NAALADL2: variants seen among roughly 807,000 people sequenced by gnomAD.
The protein encoded by NAALADL2 is inactive N-acetylated-alpha-linked acidic dipeptidase-like protein 2.
A neutral mutation model predicts 87.2 loss-of-function variants in NAALADL2; 76 were observed. The observed-to-expected ratio is 0.87, with a 90% CI of 0.72 to 1.05. NAALADL2 has a LOEUF of 1.05. Among genes scored for constraint, NAALADL2 ranks in the 50% least tolerant of loss-of-function variants. NAALADL2 has a pLI of 0.00. For synonymous variants in NAALADL2, 354 were observed against 331.0 expected (o/e 1.07, Z -0.75); for missense variants, 1,089 against 945.8 (o/e 1.15, Z -1.99).
chr3:174,725,674 A>T (rs1056380311), intron 2 of NAALADL2, among the ~76,000 whole-genome samples: 1 of 152,188 alleles, frequency 6.6e-6, no homozygotes, highest in African/African-American at 2.4e-5. Flanking sequence ...TTTCTAGAGA[A>T]CCGTTTTTTA....
Position 175,159,730 on chromosome 3 carries a change from G to A in NAALADL2, c.545+62439G>A, listed in dbSNP as rs1732841496. Among the ~76,000 whole-genome samples the A allele has an allele frequency of 2.0e-5, 3 of 152,046 alleles. 1 individual carries two copies. In the South Asian group the frequency reaches 6.2e-4, roughly 32 times the overall value. ...ACCTAAGTAGTTTTGTGGCAGTTTTGTTAAGATTATTGAAGTAATAAAAGA... is the reference window on the plus strand; with the variant it reads ...ACCTAAGTAGTTTTGTGGCAGTTTTATTAAGATTATTGAAGTAATAAAAGA... On this transcript the variant is annotated intron_variant, in intron 2 of 13. Transcript: ENST00000454872.
chr3:174,830,539 G>A (rs1306965821), intron 3 of NAALADL2, among the ~76,000 whole-genome samples: 4 of 151,064 alleles, frequency 2.6e-5, no homozygotes, highest in African/African-American at 4.8e-5. Flanking sequence ...TTTGAAGTCA[G>A]GTAGTGTGAT....
At chr3:174,904,563 A>G (rs945959393) in intron 1 of NAALADL2, among the ~76,000 whole-genome samples, 2 of 134,258 alleles carry the variant, frequency 1.5e-5, no homozygotes, top group Admixed American at 7.5e-5. Flanking sequence ...CCAAAACATC[A>G]AGAACATACT....
chr3:175,750,106 T>G (rs1475116540), intron 12 of NAALADL2, among the ~76,000 whole-genome samples: 2 of 152,188 alleles, frequency 1.3e-5, no homozygotes, highest in Non-Finnish European at 2.9e-5. Context: ...ATTAAGACAC[T>G]GAGCCTCAGA....
At chr3:174,489,615 T>C (rs1471867611) in intron 1 of NAALADL2, among the ~76,000 whole-genome samples, 3 of 152,056 alleles carry the variant, frequency 2.0e-5, no homozygotes, top group Non-Finnish European at 4.4e-5. Flanking sequence ...ATCTAAAATA[T>C]ATTAAGGACT....
chr3:174,953,312 TCCCC>T (rs1740666985), intron 1 of NAALADL2, among the ~76,000 whole-genome samples: 1 of 12,176 alleles, frequency 8.2e-5, no homozygotes, highest in Non-Finnish European at 1.4e-4. Flanking sequence ...TCCCCTCCCC[TCCCC>T]TCCCCTCCCC....
At chr3:175,569,123 A>G (rs1219546014) in intron 9 of NAALADL2, among the ~76,000 whole-genome samples, 5 of 152,156 alleles carry the variant, frequency 3.3e-5, no homozygotes, top group Admixed American at 2.0e-4. Context: ...TCTCAGGGTA[A>G]GAACCCTTGG....
At chr3:174,576,618 A>G (rs1197720578) in intron 2 of NAALADL2, among the ~76,000 whole-genome samples, 1 of 152,170 alleles carries the variant, frequency 6.6e-6, no homozygotes, top group African/African-American at 2.4e-5. Flanking sequence ...CGATTACATT[A>G]TATTTCTTTA....
chr3:175,767,678 T>C (rs532715702), intron 13 of NAALADL2: 2 of 152,250 alleles, frequency 1.3e-5, no homozygotes, highest in Middle Eastern at 3.4e-3. Context: ...AAAAAATGTA[T>C]ATATTTTAAA....
intron 8 of NAALADL2, among the ~76,000 whole-genome samples, chr3:175,468,976 A>G (rs540667964): frequency 2.0e-3 from 308 of 152,200 alleles, no homozygotes; most frequent in African/African-American, 7.2e-3. Flanking sequence ...AAAATACAAC[A>G]ACTACAATGT....
chr3:175,571,594 CT>C (rs1345823778), intron 9 of NAALADL2, among the ~76,000 whole-genome samples: 5 of 152,106 alleles, frequency 3.3e-5, no homozygotes, highest in Admixed American at 6.5e-5. Flanking sequence ...TCACATGGAT[CT>C]GTTATAATCC....
intron 9 of NAALADL2, among the ~76,000 whole-genome samples, chr3:175,480,916 T>G (rs1290606759): frequency 1.3e-5 from 2 of 151,914 alleles, no homozygotes; most frequent in African/African-American, 4.8e-5. Flanking sequence ...CTGCTCTTTG[T>G]AAAAAGTGTA....
intron 1 of NAALADL2, among the ~76,000 whole-genome samples, chr3:174,957,910 C>A (rs1478797504): frequency 6.6e-6 from 1 of 151,950 alleles, no homozygotes; most frequent in Non-Finnish European, 1.5e-5. Context: ...AACTTGCAAA[C>A]TCTGCATCAT....
intron 2 of NAALADL2, among the ~76,000 whole-genome samples, chr3:175,134,798 T>G (rs542806204): frequency 6.6e-6 from 1 of 152,320 alleles, no homozygotes; most frequent in Admixed American, 6.5e-5. Context: ...AGTGAGACCA[T>G]GAATACCTGT....
chr3:175,736,309 G>A (rs1467684292), intron 11 of NAALADL2, among the ~76,000 whole-genome samples: 2 of 152,300 alleles, frequency 1.3e-5, no homozygotes, highest in African/African-American at 4.8e-5. Context: ...TTTATTTTAA[G>A]CATTGATCTC....
intron 1 of NAALADL2, among the ~76,000 whole-genome samples, chr3:174,510,802 T>A (rs149981008): frequency 3.9e-4 from 55 of 139,584 alleles, no homozygotes; most frequent in African/African-American, 1.2e-3. Context: ...GCAAGATGAT[T>A]TAAGAGTTTT....
At chr3:174,713,819 T>C (rs1730920962) in intron 2 of NAALADL2, among the ~76,000 whole-genome samples, 2 of 152,036 alleles carry the variant, frequency 1.3e-5, no homozygotes, top group Non-Finnish European at 2.9e-5. Flanking sequence ...ATCCCATTTG[T>C]CAATTTTGTC....
intron 9 of NAALADL2, among the ~76,000 whole-genome samples, chr3:175,546,365 A>G (rs1039801921): frequency 6.6e-6 from 1 of 152,018 alleles, no homozygotes; most frequent in African/African-American, 2.4e-5. Flanking sequence ...TGTGTCTTTT[A>G]ATTGGGGCAT....
At chr3:174,848,165 CA>C in intron 3 of NAALADL2, among the ~76,000 whole-genome samples, 1 of 152,056 alleles carries the variant, frequency 6.6e-6, no homozygotes, top group Non-Finnish European at 1.5e-5. Context: ...GTATTTGTAA[CA>C]TTTTATATAC....
Sources: allele counts gnomAD v4.1 joint callset (sites outside exome capture counted in the v4.1 genomes callset), GRCh38; gene constraint gnomAD v4.1.1; transcripts MANE v1.5; gene names NCBI Gene and HGNC (gene_info 2026-07-23, HGNC 2026-07-21).